TBC1D19: variants seen among roughly 807,000 people sequenced by gnomAD.
TBC1D19 encodes TBC1 domain family member 19.
Under a neutral mutation model 89.0 loss-of-function variants are expected in TBC1D19, and 60 were observed. That is an observed-to-expected ratio of 0.67 (90% CI 0.55 to 0.84). The LOEUF (loss-of-function observed/expected upper bound fraction) is 0.84, where lower values mean the gene tolerates loss of function less well. TBC1D19 is among the 40% of genes least tolerant of loss of function. TBC1D19 has a pLI of 0.00. For synonymous variants in TBC1D19, 189 were observed against 199.7 expected, an observed-to-expected ratio of 0.95 and a Z score of 0.45; for missense variants, 500 against 610.8, an observed-to-expected ratio of 0.82 and a Z score of 1.91.
In TBC1D19 at chr4:26,590,796, G is replaced by GTTTTTTTTTTTTTTTTTTTTTTTTTT. The variant is rs869124166; in HGVS notation, c.99+6510_99+6535dup. Among the ~76,000 whole-genome samples the GTTTTTTTTTTTTTTTTTTTTTTTTTT allele has an allele frequency of 5.3e-4, 28 of 52,960 alleles. 5 individuals are homozygous for GTTTTTTTTTTTTTTTTTTTTTTTTTT. Among genetic ancestry groups the GTTTTTTTTTTTTTTTTTTTTTTTTTT allele is most frequent in the Non-Finnish European group, 6.6e-4 (21 of 31,790 alleles). 34.7% of individuals were successfully genotyped at this position (52,960 alleles called of 152,430 possible). A position where few individuals can be genotyped will look rare whatever the true frequency, so the allele number is the denominator to read the frequency against. On this transcript the variant is annotated intron_variant, in intron 1 of 20. Coordinates refer to ENST00000264866, the MANE Select transcript of TBC1D19 (RefSeq NM_018317.4). ...GGTTCACTCTTTGTCTTGCAGGTCT[G>GTTTTTTTTTTTTTTTTTTTTTTTTTT]TTTTTTTTTTTTTTTTTTTTTTTTT...
the TBC1D19 span, among the ~76,000 whole-genome samples, chr4:26,780,377 T>A: frequency 2.6e-5 from 4 of 152,210 alleles, no homozygotes; most frequent in Non-Finnish European, 5.9e-5. Flanking sequence ...TCACCCAGAT[T>A]CTTGAGACTC....
chr4:26,817,569 G>C, the TBC1D19 span, among the ~76,000 whole-genome samples: 1 of 152,142 alleles, frequency 6.6e-6, no homozygotes, highest in East Asian at 1.9e-4. Context: ...TTAGCTGAGG[G>C]AAAGTGCACA....
At chr4:26,777,225 C>A in the TBC1D19 span, among the ~76,000 whole-genome samples, 2 of 151,508 alleles carry the variant, frequency 1.3e-5, no homozygotes, top group Non-Finnish European at 2.9e-5. Flanking sequence ...ACCTCTGCCT[C>A]CTGGGTTCAA....
the TBC1D19 span, among the ~76,000 whole-genome samples, chr4:26,803,168 A>C: frequency 1.3e-5 from 2 of 152,224 alleles, no homozygotes; most frequent in African/African-American, 4.8e-5. Flanking sequence ...CCTGGGTGCC[A>C]AGGATGCATT....
Position 26,699,200 on chromosome 4 carries a change from G to A in TBC1D19, c.954+10793G>A, listed in dbSNP as rs370804205. ...AAACAACCCCATCAAAAAGTGGGTG[G>A]AGGATATGAACAGACACTTCTCAAA... On this transcript the variant is annotated intron_variant, in intron 13 of 20. Transcript: ENST00000264866. Among the ~76,000 whole-genome samples, 12 of 152,040 alleles carry A rather than the reference G, an allele frequency of 7.9e-5. No individual in the cohort carries two copies. In the East Asian group the frequency reaches 1.7e-3, roughly 22 times the overall value.
At chr4:26,649,324 T>C (rs965772266) in intron 7 of TBC1D19, among the ~76,000 whole-genome samples, 10 of 152,126 alleles carry the variant, frequency 6.6e-5, no homozygotes, top group Non-Finnish European at 1.5e-4. Context: ...ACTAGATTCT[T>C]TTTTTTCCCA....
intron 3 of TBC1D19, among the ~76,000 whole-genome samples, chr4:26,619,207 C>CTT (rs780946990): frequency 3.6e-5 from 5 of 139,726 alleles, no homozygotes; most frequent in African/African-American, 5.2e-5. Context: ...TCCTAAATTT[C>CTT]TTTTTTTTTT....
chr4:26,782,906 T>A, the TBC1D19 span, among the ~76,000 whole-genome samples: 682 of 152,316 alleles, frequency 4.5e-3, 8 homozygotes, highest in African/African-American at 0.016. Context: ...GAATTTTTTA[T>A]GATCAAACAT....
intron 4 of TBC1D19, among the ~76,000 whole-genome samples, chr4:26,636,488 TAAAAAAAAAA>T (rs71643685): frequency 7.6e-5 from 10 of 131,028 alleles, no homozygotes; most frequent in Non-Finnish European, 1.3e-4. Context: ...GTCAGTATCA[TAAAAAAAAAA>T]AAAAAAAGAA....
intron 1 of TBC1D19, among the ~76,000 whole-genome samples, chr4:26,608,559 G>T (rs1218208011): frequency 6.6e-6 from 1 of 152,100 alleles, no homozygotes; most frequent in Non-Finnish European, 1.5e-5. Flanking sequence ...TAGTTTGGGT[G>T]CAAAGTATAT....
chr4:26,625,493 A>G (rs887118098), intron 4 of TBC1D19, among the ~76,000 whole-genome samples: 5 of 152,178 alleles, frequency 3.3e-5, no homozygotes, highest in African/African-American at 1.2e-4. Flanking sequence ...TTAATGAGCC[A>G]TATTGGTTGA....
chr4:26,641,338 A>C (rs1238040544), intron 7 of TBC1D19, among the ~76,000 whole-genome samples: 1 of 152,208 alleles, frequency 6.6e-6, no homozygotes, highest in Non-Finnish European at 1.5e-5. Flanking sequence ...GAGGGACCTG[A>C]CTGTTAGAAG....
the TBC1D19 span, among the ~76,000 whole-genome samples, chr4:26,821,072 G>T: frequency 1.3e-5 from 2 of 152,218 alleles, no homozygotes; most frequent in Admixed American, 6.5e-5. Flanking sequence ...TGCCAATATG[G>T]CGCCTGGAAG....
chr4:26,767,610 A>G, the TBC1D19 span, among the ~76,000 whole-genome samples: 1 of 152,162 alleles, frequency 6.6e-6, no homozygotes, highest in African/African-American at 2.4e-5. Context: ...GTGGCACTAT[A>G]AGGCAAGACT....
chr4:26,610,401 CT>C (rs903383554), intron 1 of TBC1D19, among the ~76,000 whole-genome samples: 4 of 148,844 alleles, frequency 2.7e-5, no homozygotes, highest in Non-Finnish European at 6.0e-5. Context: ...ATGGTAATCA[CT>C]TTTCTGCATT....
the TBC1D19 span, among the ~76,000 whole-genome samples, chr4:26,827,166 A>G: frequency 4.3e-3 from 649 of 152,360 alleles, 8 homozygotes; most frequent in African/African-American, 0.015. Flanking sequence ...CCTTAACACA[A>G]ATTCAATCAC....
the TBC1D19 span, among the ~76,000 whole-genome samples, chr4:26,856,068 TTCC>T: frequency 0.39 from 59,343 of 151,864 alleles, 12,981 homozygotes; most frequent in Middle Eastern, 0.63. Context: ...CTCAAACATA[TTCC>T]TCCAGTCTAA....
At chr4:26,640,960 T>C (rs1743463700) in intron 7 of TBC1D19, among the ~76,000 whole-genome samples, 1 of 152,178 alleles carries the variant, frequency 6.6e-6, no homozygotes, top group African/African-American at 2.4e-5. Flanking sequence ...AGACTCCATC[T>C]CTGGGGGCAG....
chr4:26,609,277 A>C (rs1308495916), intron 1 of TBC1D19, among the ~76,000 whole-genome samples: 1 of 152,202 alleles, frequency 6.6e-6, no homozygotes, highest in East Asian at 1.9e-4. Flanking sequence ...AATTAATGCC[A>C]GGGTGATACT....
Sources: allele counts gnomAD v4.1 joint callset (sites outside exome capture counted in the v4.1 genomes callset), GRCh38; gene constraint gnomAD v4.1.1; transcripts MANE v1.5; gene names NCBI Gene and HGNC (gene_info 2026-07-23, HGNC 2026-07-21).